Variants in CSPP1 observed in about 807,000 individuals in gnomAD.
CSPP1 encodes centrosome and spindle pole-associated protein 1.
CSPP1 carries 126 observed loss-of-function variants against 164.4 expected under a neutral mutation model. The ratio of observed to expected loss-of-function variants is 0.77; its 90% CI spans 0.66 to 0.89. The LOEUF is 0.89. Among genes scored for constraint, CSPP1 ranks in the 40% least tolerant of loss-of-function variants. CSPP1 has a pLI of 0.00. For missense variants in CSPP1, 1,395 were observed against 1,449.8 expected (o/e 0.96, Z 0.61); for synonymous variants, 472 against 476.7 (o/e 0.99, Z 0.13).
At chr8:67,097,710 A>G (rs1237649572) in intron 7 of CSPP1, among the ~76,000 whole-genome samples, 1 of 151,714 alleles carries the variant, frequency 6.6e-6, no homozygotes. Context: ...TTAATCTATT[A>G]CTTTTATAAT....
intron 21 of CSPP1, among the ~76,000 whole-genome samples, chr8:67,161,111 C>A (rs1209385277): frequency 6.6e-6 from 1 of 152,186 alleles, no homozygotes; most frequent in African/African-American, 2.4e-5. Context: ...AGCCACTGCA[C>A]CTGGCCTAAT....
intron 3 of CSPP1, chr8:67,083,640 C>T (rs1201085881): frequency 1.3e-5 from 2 of 148,516 alleles, no homozygotes; most frequent in African/African-American, 5.0e-5. Flanking sequence ...CCACATAAAC[C>T]CCCAAGTAGA....
Position 67,104,966 on chromosome 8 carries a change from A to AT in CSPP1, c.1023-913dup, listed in dbSNP as rs1166551719. 5.1e-3 allele frequency among the ~76,000 whole-genome samples: 312 copies of AT among 60,738 alleles called. 9 individuals are homozygous for AT. The highest frequency in any genetic ancestry group is 0.016 in the East Asian group (22 of 1,372). 39.8% of individuals were successfully genotyped at this position (60,738 alleles called of 152,430 possible). ...TACATGCACATATATATATATATAT[A>AT]TTTTTTTTTTTTTTTTTTTTTTTTT... is the stretch of plus-strand genomic sequence containing the variant. On this transcript the variant is annotated intron_variant, in intron 8 of 30. Transcript: ENST00000678616.
chr8:67,126,903 T>C (rs533256227), intron 15 of CSPP1, among the ~76,000 whole-genome samples: 5 of 152,216 alleles, frequency 3.3e-5, no homozygotes, highest in South Asian at 2.1e-4. Context: ...TGGTAAAATA[T>C]AGGCTCTGTG....
chr8:67,072,640 T>C lies in CSPP1; in HGVS notation c.-10-1603T>C, dbSNP rs80004385. Among the ~76,000 whole-genome samples, 914 of 150,852 alleles carry C rather than the reference T, an allele frequency of 6.1e-3. 5 individuals carry two copies. The highest frequency in any genetic ancestry group is 8.9e-3 in the Non-Finnish European group (600 of 67,586). On this transcript the variant is annotated intron_variant, in intron 1 of 30. Coordinates refer to ENST00000678616, the MANE Select transcript of CSPP1 (RefSeq NM_001382391.1). ...GAGTCCAGGAATTGAAGGGGTAACA[T>C]TGAGCTATGATCATACCACTCCAGC...
intron 27 of CSPP1, among the ~76,000 whole-genome samples, chr8:67,178,617 T>TG (rs1832250411): frequency 6.6e-6 from 1 of 152,034 alleles, no homozygotes; most frequent in Admixed American, 6.6e-5. Context: ...ACAGTGGGCA[T>TG]GGGGGCTCAC....
chr8:67,128,011 A>C (rs1269711164), intron 15 of CSPP1, among the ~76,000 whole-genome samples: 2 of 152,180 alleles, frequency 1.3e-5, no homozygotes, highest in African/African-American at 4.8e-5. Flanking sequence ...TTAATTTAGC[A>C]TGCTTTAATC....
chr8:67,192,686 C>T (rs947347256), intron 29 of CSPP1, among the ~76,000 whole-genome samples: 1 of 152,148 alleles, frequency 6.6e-6, no homozygotes, highest in East Asian at 1.9e-4. Context: ...AATTTTTGCA[C>T]AGGGTGTGAG....
intron 28 of CSPP1, among the ~76,000 whole-genome samples, chr8:67,182,104 A>C (rs1833195354): frequency 6.6e-6 from 1 of 152,014 alleles, no homozygotes. Flanking sequence ...CTGTGCTCAG[A>C]TGATTCTCCT....
intron 25 of CSPP1, among the ~76,000 whole-genome samples, chr8:67,173,167 G>T (rs996299653): frequency 3.9e-5 from 6 of 152,160 alleles, no homozygotes; most frequent in African/African-American, 1.2e-4. Flanking sequence ...GGAGCTGGAA[G>T]AGTCCTTAGA....
At chr8:67,081,931 G>C (rs1459411833) in intron 3 of CSPP1, among the ~76,000 whole-genome samples, 1 of 152,212 alleles carries the variant, frequency 6.6e-6, no homozygotes, top group East Asian at 1.9e-4. Context: ...TGTAGAGATA[G>C]AGTCTTGGTA....
chr8:67,096,644 C>G (rs954090562), intron 7 of CSPP1, among the ~76,000 whole-genome samples: 17 of 150,844 alleles, frequency 1.1e-4, no homozygotes, highest in Admixed American at 9.9e-4. Context: ...GCAGGCAGAT[C>G]ACTTGAGGTC....
intron 28 of CSPP1, among the ~76,000 whole-genome samples, chr8:67,186,174 T>C (rs546948595): frequency 2.6e-5 from 4 of 152,220 alleles, no homozygotes; most frequent in Non-Finnish European, 5.9e-5. Context: ...GATATCTGGC[T>C]GTCCTTTTTA....
chr8:67,096,320 A>T (rs999473519), intron 7 of CSPP1, among the ~76,000 whole-genome samples: 2 of 151,872 alleles, frequency 1.3e-5, no homozygotes, highest in East Asian at 3.9e-4. Context: ...TAATCCCAGC[A>T]CTTTGGGAGG....
intron 15 of CSPP1, among the ~76,000 whole-genome samples, chr8:67,128,185 GAATTGGGA>G (rs1225136770): frequency 6.6e-6 from 1 of 152,170 alleles, no homozygotes; most frequent in Non-Finnish European, 1.5e-5. Flanking sequence ...AACCAAAATA[GAATTGGGA>G]AATTGTTTTA....
At chr8:67,193,692 A>G in intron 30 of CSPP1, 90 bp downstream of exon 30, 1 of 1,161,382 alleles carries the variant, frequency 8.6e-7, no homozygotes, top group Non-Finnish European at 1.2e-6. Flanking sequence ...TCTGAGGGAT[A>G]GATGGAATGA....
At chr8:67,170,462 AT>A (rs1447945068) in intron 24 of CSPP1, among the ~76,000 whole-genome samples, 1 of 151,860 alleles carries the variant, frequency 6.6e-6, no homozygotes, top group Non-Finnish European at 1.5e-5. Context: ...TCAAAAAAAA[AT>A]TTTTTTATCT....
chr8:67,130,790 C>A (rs866955517), intron 15 of CSPP1, among the ~76,000 whole-genome samples: 1 of 151,876 alleles, frequency 6.6e-6, no homozygotes, highest in African/African-American at 2.4e-5. Flanking sequence ...GAGTTAGAGA[C>A]CAGCCTGGCC....
intron 28 of CSPP1, among the ~76,000 whole-genome samples, chr8:67,189,827 A>G (rs1383411643): frequency 6.6e-6 from 1 of 152,190 alleles, no homozygotes; most frequent in Non-Finnish European, 1.5e-5. Context: ...GTATTATTCT[A>G]ACTTTTCTTT....
Sources: allele counts gnomAD v4.1 joint callset (sites outside exome capture counted in the v4.1 genomes callset), GRCh38; gene constraint gnomAD v4.1.1; transcripts MANE v1.5; gene names NCBI Gene and HGNC (gene_info 2026-07-23, HGNC 2026-07-21).